Variants in TCF7L1 observed in about 807,000 individuals in gnomAD.
TCF7L1 encodes transcription factor 7 like 1.
In TCF7L1, 18 loss-of-function variants were observed where a neutral mutation model predicts 63.7. That is an observed-to-expected ratio of 0.28 (90% CI 0.20 to 0.42). TCF7L1 has a LOEUF of 0.42. Among genes scored for constraint, TCF7L1 ranks in the 10% least tolerant of loss-of-function variants. TCF7L1 has a pLI of 1.00. For synonymous variants in TCF7L1, 355 were observed against 340.9 expected (o/e 1.04, Z -0.46); for missense variants, 654 against 779.3 (o/e 0.84, Z 1.91).
rs569800207 is a variant in TCF7L1 at position 85,164,551 on chromosome 2, G to C, written c.441+30101G>C. On this transcript the variant is annotated intron_variant, in intron 3 of 11. Transcript: ENST00000282111. ...GGCGTTCCATTCCCGTAGCTATTCT[G>C]TATCAACCGCTGGGGTCAGAGGCTC... Among the ~76,000 whole-genome samples, 26 of 152,240 alleles carry C rather than the reference G, an allele frequency of 1.7e-4. No individual in the cohort carries two copies. In the South Asian group the frequency reaches 5.4e-3, roughly 32 times the overall value.
chr2:85,240,938 G>C (rs1385906050), intron 3 of TCF7L1, among the ~76,000 whole-genome samples: 2 of 152,186 alleles, frequency 1.3e-5, no homozygotes, highest in African/African-American at 4.8e-5. Flanking sequence ...AATAGTAAAA[G>C]TATGTGATGC....
chr2:85,133,974 T>C lies in TCF7L1; in HGVS notation c.249+41T>C. The C allele has an allele frequency of 6.3e-7, 1 of 1,591,228 alleles. No individual in the cohort carries two copies. Among genetic ancestry groups the C allele is most frequent in the African/African-American group, 1.4e-5 (1 of 73,768 alleles). On this transcript the variant is annotated intron_variant, in intron 1 of 11. Coordinates refer to ENST00000282111, the MANE Select transcript of TCF7L1 (RefSeq NM_031283.3). This position sits in a 1 kb window ranked among gnomAD's most constrained non-coding sequence, Gnocchi z 4.4. Reference sequence around the variant, plus strand: ...GGCCACCCCCGGGGGATCCCGGCCCTGCGTCCGCTCACCCGCTCTTGCCTT... The same window carrying C: ...GGCCACCCCCGGGGGATCCCGGCCCCGCGTCCGCTCACCCGCTCTTGCCTT...
At chr2:85,292,516 T>C (rs1046495280) in intron 4 of TCF7L1, among the ~76,000 whole-genome samples, 1 of 152,248 alleles carries the variant, frequency 6.6e-6, no homozygotes, top group Admixed American at 6.5e-5. Flanking sequence ...TATCATTCTT[T>C]ATACTTTTCT....
At chr2:85,172,952 C>T (rs139956422) in intron 3 of TCF7L1, among the ~76,000 whole-genome samples, 12 of 152,332 alleles carry the variant, frequency 7.9e-5, no homozygotes, top group South Asian at 2.1e-4. Flanking sequence ...ACCACAGCAG[C>T]GCCACAAGGG....
chr2:85,285,825 C>T (rs1297912846), intron 4 of TCF7L1, among the ~76,000 whole-genome samples: 2 of 152,220 alleles, frequency 1.3e-5, no homozygotes, highest in Admixed American at 6.5e-5. Flanking sequence ...ATGGCTGGGT[C>T]CTCTGTCTTA....
At chr2:85,305,091 A>AC (rs2104389621) in intron 7 of TCF7L1, among the ~76,000 whole-genome samples, 169 bp from the exon 8 acceptor site, 1 of 152,216 alleles carries the variant, frequency 6.6e-6, no homozygotes, top group East Asian at 1.9e-4. Flanking sequence ...GCCATTAAGC[A>AC]TCTCCCAAAC....
intron 3 of TCF7L1, among the ~76,000 whole-genome samples, chr2:85,257,633 A>G (rs542548347): frequency 1.3e-5 from 2 of 152,322 alleles, no homozygotes; most frequent in Non-Finnish European, 2.9e-5. Flanking sequence ...TGCTGGCCAC[A>G]CATGCCCACG....
At chr2:85,267,649 C>CAAA (rs200180895) in intron 3 of TCF7L1, among the ~76,000 whole-genome samples, 9 of 98,552 alleles carry the variant, frequency 9.1e-5, no homozygotes, top group Non-Finnish European at 1.4e-4. Context: ...GACTCTGTCT[C>CAAA]AAAAAAAAAA....
At chr2:85,149,085 A>T (rs1574079210) in intron 3 of TCF7L1, among the ~76,000 whole-genome samples, 1 of 151,880 alleles carries the variant, frequency 6.6e-6, no homozygotes, top group Admixed American at 6.6e-5. Context: ...AGCCCTTAAA[A>T]TTTTTTTTAT....
chr2:85,162,318 C>CTGGAACATACA (rs1678306600), intron 3 of TCF7L1, among the ~76,000 whole-genome samples: 1 of 152,144 alleles, frequency 6.6e-6, no homozygotes, highest in African/African-American at 2.4e-5. Context: ...ACATGGGGCC[C>CTGGAACATACA]TGGAACATAC....
chr2:85,289,508 G>A (rs1681638158), intron 4 of TCF7L1, among the ~76,000 whole-genome samples: 1 of 152,156 alleles, frequency 6.6e-6, no homozygotes, highest in African/African-American at 2.4e-5. Context: ...AATCAGAAAA[G>A]GGACCTAGAG....
At chr2:85,202,678 A>C (rs1679296864) in intron 3 of TCF7L1, among the ~76,000 whole-genome samples, 1 of 152,226 alleles carries the variant, frequency 6.6e-6, no homozygotes, top group South Asian at 2.1e-4. Context: ...CATTCTGTGC[A>C]AGATAAGTTG....
At chr2:85,259,675 G>T (rs1250736253) in intron 3 of TCF7L1, among the ~76,000 whole-genome samples, 3 of 152,300 alleles carry the variant, frequency 2.0e-5, no homozygotes, top group African/African-American at 7.2e-5. Flanking sequence ...TTTCCTTGGA[G>T]AATAATCTTT....
intron 4 of TCF7L1, among the ~76,000 whole-genome samples, chr2:85,301,857 G>T (rs1160154130): frequency 6.6e-6 from 1 of 152,206 alleles, no homozygotes; most frequent in Non-Finnish European, 1.5e-5. Flanking sequence ...CGGGCGCAGT[G>T]GTTCACACCT....
chr2:85,299,333 T>C (rs1007178004), intron 4 of TCF7L1, among the ~76,000 whole-genome samples: 2 of 151,956 alleles, frequency 1.3e-5, no homozygotes, highest in African/African-American at 4.8e-5. Context: ...GGGGATCGCC[T>C]GATGTCAGGA....
chr2:85,231,457 T>C (rs1680078025), intron 3 of TCF7L1, among the ~76,000 whole-genome samples: 1 of 152,222 alleles, frequency 6.6e-6, no homozygotes, highest in Admixed American at 6.5e-5. Context: ...GCAAACTGAA[T>C]TCCTCCTCGT....
intron 7 of TCF7L1, 90 bp downstream of exon 7, chr2:85,304,428 A>T (rs574142129): frequency 7.4e-7 from 1 of 1,348,746 alleles, no homozygotes; most frequent in South Asian, 1.3e-5. Context: ...CCAGTTAATG[A>T]GCAGGCACAG....
chr2:85,266,586 T>A lies in TCF7L1; in HGVS notation c.442-16909T>A, dbSNP rs112605934. Among the ~76,000 whole-genome samples the A allele has an allele frequency of 3.3e-3, 505 of 152,352 alleles. 4 individuals are homozygous for A. Among genetic ancestry groups the A allele is most frequent in the African/African-American group, 0.011 (478 of 41,586 alleles). On this transcript the variant is annotated intron_variant, in intron 3 of 11. Coordinates refer to ENST00000282111, the MANE Select transcript of TCF7L1 (RefSeq NM_031283.3). ...GGGTTTTCAGTGCAGCAGGTATCCT[T>A]GTCCAGGGCCTTTGTTTCCCGCTGG...
At chr2:85,292,819 C>G (rs1480403359) in intron 4 of TCF7L1, among the ~76,000 whole-genome samples, 1 of 152,250 alleles carries the variant, frequency 6.6e-6, no homozygotes, top group East Asian at 1.9e-4. Flanking sequence ...CTCACCCAAT[C>G]TGGCTGCCTT....
Sources: allele counts gnomAD v4.1 joint callset (sites outside exome capture counted in the v4.1 genomes callset), GRCh38; gene constraint gnomAD v4.1.1; non-coding constraint Gnocchi (gnomAD v3.1); transcripts MANE v1.5; gene names NCBI Gene and HGNC (gene_info 2026-07-23, HGNC 2026-07-21).